The following DENND5B variants were observed in gnomAD, a reference collection of about 807,000 sequenced individuals.
The protein encoded by DENND5B is DENN domain containing 5B.
In DENND5B, 34 loss-of-function variants were observed where a neutral mutation model predicts 140.6. The ratio of observed to expected loss-of-function variants is 0.24; its 90% CI spans 0.18 to 0.32. The LOEUF is 0.32. DENND5B is among the 10% of genes least tolerant of loss of function. The pLI is 1.00. For synonymous variants in DENND5B, 551 were observed against 562.1 expected (o/e 0.98, Z 0.28); for missense variants, 1,142 against 1,560.2 (o/e 0.73, Z 4.52).
intron 1 of DENND5B, among the ~76,000 whole-genome samples, chr12:31,575,125 T>C (rs1363876026): frequency 6.6e-6 from 1 of 152,238 alleles, no homozygotes; most frequent in African/African-American, 2.4e-5. Context: ...AGACAGGAGA[T>C]AGGAAATAGT....
intron 3 of DENND5B, among the ~76,000 whole-genome samples, chr12:31,474,632 T>G (rs1231536606): frequency 2.0e-5 from 3 of 152,218 alleles, no homozygotes; most frequent in African/African-American, 4.8e-5. Flanking sequence ...TGGGTTTTCA[T>G]GGTAACTCTT....
intron 4 of DENND5B, among the ~76,000 whole-genome samples, chr12:31,456,361 G>C (rs1944781130): frequency 6.7e-6 from 1 of 149,732 alleles, no homozygotes; most frequent in South Asian, 2.1e-4. Context: ...TCCCTCAAAA[G>C]TAAGAAAACA....
chr12:31,546,227 T>C (rs12317330), intron 1 of DENND5B, among the ~76,000 whole-genome samples: 1 of 152,110 alleles, frequency 6.6e-6, no homozygotes, highest in East Asian at 1.9e-4. Flanking sequence ...TTACAGCATA[T>C]TTGTTTTTCC....
chr12:31,403,157 G>C (rs1427237999), intron 14 of DENND5B, among the ~76,000 whole-genome samples: 1 of 152,126 alleles, frequency 6.6e-6, no homozygotes, highest in African/African-American at 2.4e-5. Flanking sequence ...CAAGTTTACA[G>C]AACAATATGC....
intron 1 of DENND5B, among the ~76,000 whole-genome samples, chr12:31,513,349 G>A (rs1947500336): frequency 6.6e-6 from 1 of 152,114 alleles, no homozygotes; most frequent in African/African-American, 2.4e-5. Context: ...GCAATCTTCA[G>A]ATGGAAATCA....
At chr12:31,422,941 AC>A (rs971778252) in intron 11 of DENND5B, among the ~76,000 whole-genome samples, 5 of 146,548 alleles carry the variant, frequency 3.4e-5, no homozygotes, top group African/African-American at 7.4e-5. Flanking sequence ...GGTTATAAAA[AC>A]TTTTTTTTTT....
At chr12:31,548,663 T>G (rs758291842) in intron 1 of DENND5B, among the ~76,000 whole-genome samples, 1 of 152,204 alleles carries the variant, frequency 6.6e-6, no homozygotes, top group Non-Finnish European at 1.5e-5. Context: ...AAATGTTGTG[T>G]TATACACCAG....
At chr12:31,399,310 A>C in intron 16 of DENND5B, among the ~76,000 whole-genome samples, 1 of 103,122 alleles carries the variant, frequency 9.7e-6, no homozygotes, top group Non-Finnish European at 1.9e-5. Flanking sequence ...ATGGAGTTTC[A>C]CCTTGTTGCC....
intron 2 of DENND5B, among the ~76,000 whole-genome samples, chr12:31,482,030 TA>T (rs1214405531): frequency 6.6e-6 from 1 of 152,112 alleles, no homozygotes; most frequent in African/African-American, 2.4e-5. Context: ...TCCCACTGCT[TA>T]AAAACAAAAT....
intron 20 of DENND5B, 149 bp from the exon 21 acceptor site, chr12:31,387,935 C>A: frequency 6.7e-6 from 5 of 747,330 alleles, no homozygotes; most frequent in South Asian, 5.0e-5. Flanking sequence ...GAAATCAAAG[C>A]CAAGAAGTTG....
intron 4 of DENND5B, among the ~76,000 whole-genome samples, chr12:31,456,270 C>A (rs564744890): frequency 6.8e-6 from 1 of 147,036 alleles, no homozygotes; most frequent in South Asian, 2.1e-4. Context: ...GTGGAGGTTG[C>A]AGTCAGCTGA....
intron 1 of DENND5B, among the ~76,000 whole-genome samples, chr12:31,567,231 T>C (rs750841628): frequency 1.3e-5 from 2 of 151,226 alleles, no homozygotes; most frequent in African/African-American, 2.4e-5. Flanking sequence ...GGTGGGAGGA[T>C]CACCTGAGCC....
intron 3 of DENND5B, among the ~76,000 whole-genome samples, chr12:31,468,706 G>T (rs1334208766): frequency 6.6e-6 from 1 of 152,120 alleles, no homozygotes; most frequent in Non-Finnish European, 1.5e-5. Flanking sequence ...AGCTACGTGG[G>T]AGGCTAAGGC....
At chr12:31,581,086 C>T (rs1382937891) in intron 1 of DENND5B, among the ~76,000 whole-genome samples, 3 of 151,990 alleles carry the variant, frequency 2.0e-5, no homozygotes, top group African/African-American at 7.3e-5. Context: ...GCCTGGACAA[C>T]AGAGCAAGAC....
chr12:31,468,928 G>A (rs1229850553), intron 3 of DENND5B, among the ~76,000 whole-genome samples: 1 of 152,136 alleles, frequency 6.6e-6, no homozygotes, highest in Non-Finnish European at 1.5e-5. Flanking sequence ...CAAAACTACA[G>A]ATATAACAGG....
chr12:31,512,598 T>C (rs985442424), intron 1 of DENND5B, among the ~76,000 whole-genome samples: 2 of 152,066 alleles, frequency 1.3e-5, no homozygotes, highest in Non-Finnish European at 2.9e-5. Flanking sequence ...ATTTGATACC[T>C]ACCTTATTTC....
At chr12:31,497,906 TAGGGGCAGGGGC>T (rs1281869763) in intron 1 of DENND5B, among the ~76,000 whole-genome samples, 1 of 9,554 alleles carries the variant, frequency 1.0e-4, no homozygotes, top group Admixed American at 1.8e-3. Context: ...AGGGGAGGGG[TAGGGGCAGGGGC>T]AGGGGCAAGG....
chr12:31,418,315 CTT>C (rs1490976367), intron 11 of DENND5B, among the ~76,000 whole-genome samples: 1 of 138,672 alleles, frequency 7.2e-6, no homozygotes, highest in Non-Finnish European at 1.5e-5. Flanking sequence ...GGGTCTCACT[CTT>C]GTCGCCCAGG....
chr12:31,482,011 T>C (rs1394098259), intron 2 of DENND5B, among the ~76,000 whole-genome samples: 1 of 152,136 alleles, frequency 6.6e-6, no homozygotes, highest in African/African-American at 2.4e-5. Context: ...AGTGTTAAGA[T>C]TTCTGGGTTC....
Sources: allele counts gnomAD v4.1 joint callset (sites outside exome capture counted in the v4.1 genomes callset), GRCh38; gene constraint gnomAD v4.1.1; transcripts MANE v1.5; gene names NCBI Gene and HGNC (gene_info 2026-07-23, HGNC 2026-07-21).